Variants in IMMP2L observed in about 807,000 individuals in gnomAD.
IMMP2L encodes the protein inner mitochondrial membrane peptidase subunit 2.
IMMP2L carries 18 observed loss-of-function variants against 19.3 expected under a neutral mutation model. The observed-to-expected ratio is 0.93, with a 90% CI of 0.64 to 1.38. IMMP2L has a LOEUF of 1.38. Ranked by LOEUF, IMMP2L falls within the 40% of genes most tolerant of loss-of-function variation. IMMP2L has a pLI of 0.00. For synonymous variants in IMMP2L, 76 were observed against 73.0 expected (o/e 1.04, Z -0.21); for missense variants, 233 against 218.2 (o/e 1.07, Z -0.43).
At chr7:110,944,796 G>A (rs527840810) in intron 4 of IMMP2L, among the ~76,000 whole-genome samples, 2 of 152,018 alleles carry the variant, frequency 1.3e-5, no homozygotes, top group South Asian at 4.1e-4. Context: ...GTGTGTATAT[G>A]TATGTGTGTA....
chr7:110,779,527 T>C (rs1048300830), intron 5 of IMMP2L, among the ~76,000 whole-genome samples: 6 of 151,848 alleles, frequency 4.0e-5, no homozygotes, highest in Non-Finnish European at 5.9e-5. Context: ...GAATTTTTGG[T>C]GATGTGCTAC....
At position 111,517,762 on chromosome 7, in the gene IMMP2L, C is replaced by T. The variant is rs371537698; in HGVS notation, c.135+3551G>A. 1.1e-4 allele frequency among the ~76,000 whole-genome samples: 17 copies of T among 152,104 alleles called. No individual in the cohort carries two copies. In the East Asian group the frequency reaches 2.7e-3, roughly 24 times the overall value. On this transcript the variant is annotated intron_variant, in intron 2 of 5. Coordinates refer to ENST00000405709, the MANE Select transcript of IMMP2L (RefSeq NM_032549.4). ...TTCATTTCCTGAATTAAATTAATGT[C>T]GTGTAATGTGGTGCTTCTTTTTTAA... is the stretch of plus-strand genomic sequence containing the variant.
intron 3 of IMMP2L, among the ~76,000 whole-genome samples, chr7:111,412,807 G>A (rs1834554197): frequency 6.6e-6 from 1 of 151,580 alleles, no homozygotes; most frequent in Non-Finnish European, 1.5e-5. Context: ...CAAAATTTGA[G>A]AGCCACTGGT....
chr7:110,775,391 A>G (rs1197701094), intron 5 of IMMP2L, among the ~76,000 whole-genome samples: 1 of 151,982 alleles, frequency 6.6e-6, no homozygotes, highest in African/African-American at 2.4e-5. Context: ...CCCGAAACAG[A>G]AAAATTCTAT....
At chr7:110,917,937 T>G (rs985858650) in intron 4 of IMMP2L, among the ~76,000 whole-genome samples, 14 of 152,122 alleles carry the variant, frequency 9.2e-5, no homozygotes, top group Non-Finnish European at 4.4e-5. Flanking sequence ...TGTCAAGAAA[T>G]TATTAGGTAC....
rs183063930 is a variant in IMMP2L at position 111,111,555 on chromosome 7, T to C, written c.240-147990A>G. Among the ~76,000 whole-genome samples, 42 of 152,224 alleles carry C rather than the reference T, an allele frequency of 2.8e-4. No individual in the cohort carries two copies. The East Asian group carries it at 4.3e-3, about 15-fold the overall frequency. On this transcript the variant is annotated intron_variant, in intron 3 of 5. Transcript: ENST00000405709. ...TTTCCCAAATGTTCATAACCTGATA[T>C]AGACTAGTCCTTAAATGGTATAGTA...
At chr7:110,765,425 A>C (rs763979199) in intron 5 of IMMP2L, among the ~76,000 whole-genome samples, 1 of 152,168 alleles carries the variant, frequency 6.6e-6, no homozygotes, top group Non-Finnish European at 1.5e-5. Flanking sequence ...CATGACTCTC[A>C]AGATATGCCC....
chr7:111,378,927 AAACAG>A (rs1255397503), intron 3 of IMMP2L, among the ~76,000 whole-genome samples: 2 of 151,882 alleles, frequency 1.3e-5, no homozygotes, highest in Non-Finnish European at 2.9e-5. Context: ...TCTGCATGAG[AAACAG>A]GTATACAATT....
At chr7:111,265,404 CAA>C (rs1251742439) in intron 3 of IMMP2L, among the ~76,000 whole-genome samples, 2 of 152,118 alleles carry the variant, frequency 1.3e-5, no homozygotes, top group Admixed American at 6.6e-5. Context: ...TGATAAATAT[CAA>C]TTTGATTTAA....
At chr7:111,251,034 C>T (rs938538938) in intron 3 of IMMP2L, among the ~76,000 whole-genome samples, 1 of 152,022 alleles carries the variant, frequency 6.6e-6, no homozygotes. Flanking sequence ...TCAGAGTCTA[C>T]AAGAAACAAA....
intron 1 of IMMP2L, among the ~76,000 whole-genome samples, chr7:111,527,018 TA>T (rs1252747715): frequency 3.9e-5 from 6 of 152,272 alleles, no homozygotes; most frequent in Middle Eastern, 3.4e-3. Flanking sequence ...TCTCCTACAT[TA>T]CTTCTACTCC....
At chr7:111,330,064 AAAC>A (rs1320596508) in intron 3 of IMMP2L, among the ~76,000 whole-genome samples, 1 of 151,946 alleles carries the variant, frequency 6.6e-6, no homozygotes, top group Non-Finnish European at 1.5e-5. Context: ...TAGATTTAAA[AAAC>A]AACCTTGAAA....
intron 3 of IMMP2L, among the ~76,000 whole-genome samples, chr7:111,080,487 ATAT>A (rs1795796963): frequency 2.5e-5 from 3 of 120,820 alleles, no homozygotes; most frequent in African/African-American, 5.9e-5. Flanking sequence ...TGTGTATTAT[ATAT>A]TATGTGTGTA....
At chr7:111,528,382 G>A (rs1377899518) in intron 1 of IMMP2L, among the ~76,000 whole-genome samples, 1 of 152,126 alleles carries the variant, frequency 6.6e-6, no homozygotes, top group East Asian at 1.9e-4. Flanking sequence ...AAGTCACTGA[G>A]GTTCAAAACA....
chr7:110,822,461 T>C (rs1170673108), intron 5 of IMMP2L, among the ~76,000 whole-genome samples: 1 of 152,132 alleles, frequency 6.6e-6, no homozygotes, highest in Non-Finnish European at 1.5e-5. Flanking sequence ...AATGAAAATT[T>C]CTCTGCCTGG....
At chr7:111,049,186 A>C (rs1792761446) in intron 3 of IMMP2L, among the ~76,000 whole-genome samples, 1 of 123,830 alleles carries the variant, frequency 8.1e-6, no homozygotes. Context: ...GCTGGAGTGC[A>C]GTGGCGTCAT....
intron 5 of IMMP2L, among the ~76,000 whole-genome samples, chr7:110,741,413 A>C (rs971349384): frequency 2.0e-5 from 3 of 152,272 alleles, no homozygotes; most frequent in African/African-American, 4.8e-5. Context: ...TTTAGGAGGT[A>C]ATTATGCCAT....
At chr7:110,672,317 C>G (rs1354564732) in intron 5 of IMMP2L, among the ~76,000 whole-genome samples, 1 of 152,042 alleles carries the variant, frequency 6.6e-6, no homozygotes, top group East Asian at 1.9e-4. Flanking sequence ...GTGATTGACC[C>G]CATGATTCAA....
intron 1 of IMMP2L, among the ~76,000 whole-genome samples, chr7:111,525,094 C>T (rs541796762): frequency 2.0e-5 from 3 of 152,234 alleles, no homozygotes; most frequent in Admixed American, 2.0e-4. Context: ...ATCACATAAA[C>T]ATACATAAGA....
Sources: allele counts gnomAD v4.1 joint callset (sites outside exome capture counted in the v4.1 genomes callset), GRCh38; gene constraint gnomAD v4.1.1; transcripts MANE v1.5; gene names NCBI Gene and HGNC (gene_info 2026-07-23, HGNC 2026-07-21).